Variants in CORIN observed in about 807,000 individuals in gnomAD.
CORIN encodes the protein corin, serine peptidase.
Under a neutral mutation model 125.3 loss-of-function variants are expected in CORIN, and 117 were observed. The observed-to-expected ratio is 0.93, with a 90% CI of 0.80 to 1.09. CORIN has a LOEUF of 1.09. Among genes scored for constraint, CORIN ranks in the 50% least tolerant of loss-of-function variants. The pLI, the probability that CORIN is intolerant of heterozygous loss-of-function variation, is 0.00. For missense variants in CORIN, 1,253 were observed against 1,306.7 expected (o/e 0.96, Z 0.63); for synonymous variants, 450 against 466.4 (o/e 0.96, Z 0.45).
chr4:47,825,812 T>A (rs1429407973), intron 1 of CORIN, among the ~76,000 whole-genome samples: 1 of 151,726 alleles, frequency 6.6e-6, no homozygotes, highest in Non-Finnish European at 1.5e-5. Context: ...ATGATTCTGC[T>A]GCCTCAGCCT....
At chr4:47,752,172 T>A (rs1284848450) in intron 4 of CORIN, among the ~76,000 whole-genome samples, 1 of 152,154 alleles carries the variant, frequency 6.6e-6, no homozygotes, top group Non-Finnish European at 1.5e-5. Context: ...CTTTTCACCA[T>A]ACTCCCACCC....
chr4:47,778,313 G>C (rs533410620), intron 3 of CORIN, among the ~76,000 whole-genome samples: 1 of 152,134 alleles, frequency 6.6e-6, no homozygotes, highest in African/African-American at 2.4e-5. Flanking sequence ...GATATTGCAG[G>C]ATTCATTTAG....
chr4:47,606,348 G>A (rs1262185738), intron 19 of CORIN, among the ~76,000 whole-genome samples: 1 of 152,034 alleles, frequency 6.6e-6, no homozygotes, highest in South Asian at 2.1e-4. Flanking sequence ...AATCTCCCAG[G>A]CTCAAGCGAT....
chr4:47,623,532 C>A, intron 19 of CORIN, 39 bp downstream of exon 19: 2 of 1,598,924 alleles, frequency 1.3e-6, no homozygotes, highest in South Asian at 2.2e-5. Flanking sequence ...ACAAAGTGAT[C>A]AAATCCAGGC....
intron 19 of CORIN, among the ~76,000 whole-genome samples, chr4:47,616,445 T>G (rs1722070628): frequency 6.6e-6 from 1 of 152,046 alleles, no homozygotes; most frequent in South Asian, 2.1e-4. Flanking sequence ...TTCAGTAGCC[T>G]AAAAATGAGC....
intron 2 of CORIN, among the ~76,000 whole-genome samples, chr4:47,795,759 C>T (rs1553918746): frequency 6.7e-6 from 1 of 149,444 alleles, no homozygotes; most frequent in South Asian, 2.1e-4. Context: ...AAATCAATAG[C>T]AAAAAAAAAG....
intron 3 of CORIN, among the ~76,000 whole-genome samples, chr4:47,777,511 A>T (rs1425053890): frequency 6.6e-6 from 1 of 152,150 alleles, no homozygotes; most frequent in Non-Finnish European, 1.5e-5. Flanking sequence ...CACACCTGTT[A>T]TCCCAGCTAC....
chr4:47,719,454 GC>G (rs1560518717), intron 5 of CORIN, among the ~76,000 whole-genome samples: 1 of 152,140 alleles, frequency 6.6e-6, no homozygotes, highest in Admixed American at 6.5e-5. Flanking sequence ...GCTTTAAGCT[GC>G]ATTCTCACAA....
At chr4:47,676,952 A>G (rs1307616265) in intron 9 of CORIN, among the ~76,000 whole-genome samples, 1 of 152,236 alleles carries the variant, frequency 6.6e-6, no homozygotes, top group African/African-American at 2.4e-5. Flanking sequence ...TTTATGTAAT[A>G]AGTCTGTGAC....
chr4:47,790,705 T>C (rs569858698), intron 2 of CORIN, among the ~76,000 whole-genome samples: 1 of 152,278 alleles, frequency 6.6e-6, no homozygotes, highest in South Asian at 2.1e-4. Context: ...TTGTCTTCTT[T>C]AGGACTGCTA....
intron 4 of CORIN, among the ~76,000 whole-genome samples, chr4:47,746,133 T>C (rs1728652722): frequency 1.3e-5 from 2 of 152,226 alleles, no homozygotes; most frequent in Admixed American, 1.3e-4. Flanking sequence ...ATCACTTAAA[T>C]AACACTGTTT....
chr4:47,611,864 G>A lies in CORIN; in HGVS notation c.2541-8196C>T, dbSNP rs551572027. Among the ~76,000 whole-genome samples the A allele has an allele frequency of 2.2e-4, 34 of 152,074 alleles. No homozygotes were observed. In the South Asian group the frequency reaches 4.2e-3, roughly 19 times the overall value. ...CTATTGAGATAATCATGTGGTTTTC[G>A]CCTAGTTCTTTTTGTATTGAACCAG... On this transcript the variant is annotated intron_variant, in intron 19 of 21. Coordinates refer to ENST00000273857, the MANE Select transcript of CORIN (RefSeq NM_006587.4).
chr4:47,774,804 T>C (rs28506797), intron 3 of CORIN, among the ~76,000 whole-genome samples: 9,009 of 152,248 alleles, frequency 0.059, 829 homozygotes, highest in African/African-American at 0.2. Context: ...CCATATGATA[T>C]GGTATGCATG....
intron 12 of CORIN, among the ~76,000 whole-genome samples, chr4:47,658,398 T>C (rs1724088038): frequency 6.6e-6 from 1 of 152,244 alleles, no homozygotes; most frequent in African/African-American, 2.4e-5. Context: ...GCCAACAGCT[T>C]TTCCAGGCAA....
chr4:47,832,445 C>CTTTTTTTTTTTTTTTTTTTTTCTTTTTT (rs1211972356), intron 1 of CORIN, among the ~76,000 whole-genome samples: 1 of 76,922 alleles, frequency 1.3e-5, no homozygotes, highest in African/African-American at 4.4e-5. Flanking sequence ...CTTTTCTTTT[C>CTTTTTTTTTTTTTTTTTTTTTCTTTTTT]TTTTTTTTTT....
rs559284114 is a variant in CORIN, at chr4:47,608,236, G to A, written c.2541-4568C>T. On this transcript the variant is annotated intron_variant, in intron 19 of 21. Coordinates refer to ENST00000273857, the MANE Select transcript of CORIN (RefSeq NM_006587.4). ...CTCAGGAGGCTGAGGCATAAGAATC[G>A]CTTGAACCTGGGAGCTGGAGGCTGC... Among the ~76,000 whole-genome samples, 16 of 152,026 alleles carry A rather than the reference G, an allele frequency of 1.1e-4. 1 individual carries two copies. The South Asian group carries it at 2.7e-3, about 26-fold the overall frequency.
At chr4:47,795,061 G>A (rs562708648) in intron 2 of CORIN, among the ~76,000 whole-genome samples, 167 of 152,052 alleles carry the variant, frequency 1.1e-3, no homozygotes, top group African/African-American at 3.9e-3. Context: ...TTTCCCCCTC[G>A]TGTACTCTTC....
At chr4:47,827,663 G>A (rs1732798982) in intron 1 of CORIN, among the ~76,000 whole-genome samples, 1 of 152,014 alleles carries the variant, frequency 6.6e-6, no homozygotes, top group Admixed American at 6.5e-5. Flanking sequence ...CTACCTTAAA[G>A]TTCTGCTCTT....
chr4:47,837,284 G>T (rs1329559788), intron 1 of CORIN: 2 of 159,056 alleles, frequency 1.3e-5, no homozygotes, highest in African/African-American at 4.8e-5. Context: ...TGATCCCCAG[G>T]CACCAACTGG....
Sources: gnomAD v4.1 joint callset for allele counts (sites outside exome capture counted in the v4.1 genomes callset) on GRCh38, gnomAD v4.1.1 for gene constraint, MANE v1.5 for transcripts, NCBI Gene and HGNC (gene_info 2026-07-23, HGNC 2026-07-21) for gene names.